Variants in KAZN observed in about 807,000 individuals in gnomAD.
KAZN encodes kazrin, periplakin interacting protein.
KAZN carries 40 observed loss-of-function variants against 87.4 expected under a neutral mutation model. The ratio of observed to expected loss-of-function variants is 0.46; its 90% confidence interval spans 0.36 to 0.60. The LOEUF (loss-of-function observed/expected upper bound fraction) is 0.60. Among genes scored for constraint, KAZN ranks in the 20% least tolerant of loss-of-function variants. KAZN has a pLI of 0.00. For synonymous variants in KAZN, 466 were observed against 458.3 expected (o/e 1.02, Z -0.22); for missense variants, 898 against 1,073.9 (o/e 0.84, Z 2.29).
intron 1 of KAZN, among the ~76,000 whole-genome samples, chr1:14,035,709 A>G (rs1468475202): frequency 6.6e-6 from 1 of 150,912 alleles, no homozygotes; most frequent in Non-Finnish European, 1.5e-5. Flanking sequence ...TCCTGACCTC[A>G]GGTGATCTGC....
At chr1:14,897,936 C>T (rs1302333967) in intron 1 of KAZN, among the ~76,000 whole-genome samples, 1 of 152,166 alleles carries the variant, frequency 6.6e-6, no homozygotes, top group Non-Finnish European at 1.5e-5. Flanking sequence ...TCCATGGCAG[C>T]TACAGTTCAG....
At chr1:14,857,694 C>T (rs1650297373) in intron 1 of KAZN, among the ~76,000 whole-genome samples, 1 of 152,110 alleles carries the variant, frequency 6.6e-6, no homozygotes, top group South Asian at 2.1e-4. Flanking sequence ...CTTTATTTCC[C>T]CTTAGGCTAT....
At chr1:14,681,633 ATATATATATATATATATATATATATT>A (rs1640612999) in intron 1 of KAZN, among the ~76,000 whole-genome samples, 2 of 17,404 alleles carry the variant, frequency 1.1e-4, no homozygotes, top group South Asian at 2.0e-3. Flanking sequence ...ATATATATAT[ATATATATATATATATATATATATATT>A]TTTTTTTTTT....
At chr1:14,023,289 T>C (rs895088278) in intron 1 of KAZN, among the ~76,000 whole-genome samples, 8 of 152,170 alleles carry the variant, frequency 5.3e-5, no homozygotes, top group African/African-American at 1.9e-4. Flanking sequence ...TCCACTGCGC[T>C]CCAGCCTGGG....
chr1:15,092,061 T>G (rs1307104384), intron 8 of KAZN, among the ~76,000 whole-genome samples: 26 of 58,782 alleles, frequency 4.4e-4, no homozygotes, highest in African/African-American at 8.9e-4. Context: ...TGTTTTTTTG[T>G]TTTTTTTTTT....
intron 1 of KAZN, among the ~76,000 whole-genome samples, chr1:13,905,101 C>A (rs756151416): frequency 9.9e-5 from 15 of 152,118 alleles, no homozygotes; most frequent in Admixed American, 7.2e-4. Flanking sequence ...GTTTTCAAAT[C>A]TCCCAGGTAT....
At chr1:14,203,919 A>G (rs1374871361) in intron 2 of KAZN, among the ~76,000 whole-genome samples, 1 of 152,208 alleles carries the variant, frequency 6.6e-6, no homozygotes, top group Non-Finnish European at 1.5e-5. Context: ...TGGGAAATGG[A>G]TGGCCTCTCC....
At chr1:14,797,740 G>A (rs575105436) in intron 1 of KAZN, among the ~76,000 whole-genome samples, 7 of 152,208 alleles carry the variant, frequency 4.6e-5, no homozygotes, top group African/African-American at 1.7e-4. Flanking sequence ...TAGTTACGGG[G>A]CCCCAGGCAA....
At chr1:14,914,257 G>A (rs977279768) in intron 1 of KAZN, among the ~76,000 whole-genome samples, 1 of 152,184 alleles carries the variant, frequency 6.6e-6, no homozygotes, top group Admixed American at 6.5e-5. Context: ...GCTGCCCTAG[G>A]GCTTACCTGA....
chr1:14,557,445 G>A (rs968165078), intron 2 of KAZN, among the ~76,000 whole-genome samples: 1 of 151,974 alleles, frequency 6.6e-6, no homozygotes, highest in African/African-American at 2.4e-5. Flanking sequence ...GAATGGCGTA[G>A]GTGTCAGAGA....
chr1:14,798,111 A>T (rs566511964), intron 1 of KAZN, among the ~76,000 whole-genome samples: 2 of 152,316 alleles, frequency 1.3e-5, no homozygotes, highest in South Asian at 4.1e-4. Context: ...AAACTCACGC[A>T]TGACACCTCT....
At chr1:14,738,671 C>T (rs1643989206) in intron 1 of KAZN, among the ~76,000 whole-genome samples, 2 of 152,008 alleles carry the variant, frequency 1.3e-5, no homozygotes, top group South Asian at 4.2e-4. Context: ...GTTACTGAGG[C>T]CCCGGGAACT....
chr1:14,431,043 T>C (rs551321283), intron 2 of KAZN, among the ~76,000 whole-genome samples: 2 of 152,338 alleles, frequency 1.3e-5, no homozygotes, highest in South Asian at 4.1e-4. Context: ...TGGTTTGTAA[T>C]TATAAGTGTG....
Position 14,782,275 on chromosome 1 carries a change from G to A in KAZN, c.227-178409G>A, listed in dbSNP as rs940896810. On this transcript the variant is annotated intron_variant, in intron 1 of 14. Transcript: ENST00000376030. ...TGAAATGCACCTCCCGGCTGGGTGC[G>A]GTGGTTCCCGCCTGTAATCCTAGCA... Among the ~76,000 whole-genome samples the A allele has an allele frequency of 6.6e-5, 10 of 152,152 alleles. No individual in the cohort carries two copies. The East Asian group carries it at 9.7e-4, about 15-fold the overall frequency.
At chr1:14,741,862 A>G (rs1644109592) in intron 1 of KAZN, among the ~76,000 whole-genome samples, 1 of 152,198 alleles carries the variant, frequency 6.6e-6, no homozygotes, top group Non-Finnish European at 1.5e-5. Context: ...CCTGAAATGC[A>G]TCTCAACCTT....
chr1:15,040,922 C>T (rs904308299), intron 3 of KAZN, among the ~76,000 whole-genome samples: 4 of 151,860 alleles, frequency 2.6e-5, no homozygotes. Flanking sequence ...ACCACTGTCA[C>T]CTCCCCAGCC....
In KAZN at chr1:14,765,893, ACACT is replaced by A. The variant is rs1244432058; in HGVS notation, c.226+166674_226+166677del. ...AGGCAATCTGGGTGACCCGCTGATG[ACACT>A]CACACCAGAAGCCCGTCTGTGCTGA... On this transcript the variant is annotated intron_variant, in intron 1 of 14. Coordinates refer to ENST00000376030, the MANE Select transcript of KAZN (RefSeq NM_201628.3). 2.6e-5 allele frequency among the ~76,000 whole-genome samples: 4 copies of A among 152,274 alleles called. No individual in the cohort carries two copies. In the East Asian group the frequency reaches 7.7e-4, roughly 29 times the overall value.
upstream of KAZN, among the ~76,000 whole-genome samples, chr1:14,596,308 GCACACACACA>G (rs56758780): frequency 6.9e-3 from 1,042 of 150,300 alleles, 12 homozygotes; most frequent in African/African-American, 0.024. Flanking sequence ...ACACGTGTGC[GCACACACACA>G]CACACACACA....
intron 2 of KAZN, among the ~76,000 whole-genome samples, chr1:14,477,371 G>A (rs1024062105): frequency 2.6e-5 from 4 of 151,414 alleles, no homozygotes; most frequent in Admixed American, 6.6e-5. Context: ...CTTCGGGTAC[G>A]TCTTTATCAG....
Sources: gnomAD v4.1 joint callset for allele counts (sites outside exome capture counted in the v4.1 genomes callset) on GRCh38, gnomAD v4.1.1 for gene constraint, MANE v1.5 for transcripts, NCBI Gene and HGNC (gene_info 2026-07-23, HGNC 2026-07-21) for gene names.